Variants in LRP1B observed in about 807,000 individuals in gnomAD.
LRP1B encodes LDL receptor related protein 1B.
In LRP1B, 217 loss-of-function variants were observed where a neutral mutation model predicts 556.6. The ratio of observed to expected loss-of-function variants is 0.39; its 90% CI spans 0.35 to 0.44. The LOEUF (loss-of-function observed/expected upper bound fraction) is 0.44. Ranked by LOEUF, LRP1B falls within the 20% of genes least tolerant of loss-of-function variation. The pLI is 1.00. For synonymous variants in LRP1B, 2,047 were observed against 1,865.8 expected (o/e 1.10, Z -2.50); for missense variants, 5,053 against 5,620.8 (o/e 0.90, Z 3.23).
Position 141,413,997 on chromosome 2 carries a change from G to C in LRP1B, c.343+66399C>G, listed in dbSNP as rs549380326. On this transcript the variant is annotated intron_variant, in intron 3 of 90. Coordinates refer to ENST00000389484, the MANE Select transcript of LRP1B (RefSeq NM_018557.3). Reference sequence around the variant, plus strand: ...TGTAATCCCAGCACTTTGGGAGGCTGAGGTGGGCGCATCACGAGGTCAGAG... The same window carrying C: ...TGTAATCCCAGCACTTTGGGAGGCTCAGGTGGGCGCATCACGAGGTCAGAG... Among the ~76,000 whole-genome samples the C allele has an allele frequency of 5.5e-4, 84 of 152,208 alleles. 1 individual carries two copies. In the South Asian group the frequency reaches 6.6e-3, roughly 12 times the overall value.
chr2:140,485,846 TACACACACACAC>T (rs10696198), intron 58 of LRP1B, among the ~76,000 whole-genome samples: 3 of 142,362 alleles, frequency 2.1e-5, no homozygotes, highest in African/African-American at 5.3e-5. Context: ...CTCACGCACA[TACACACACACAC>T]ACACACACAC....
intron 3 of LRP1B, among the ~76,000 whole-genome samples, chr2:141,454,946 A>G (rs551546234): frequency 3.3e-5 from 5 of 152,196 alleles, no homozygotes; most frequent in Admixed American, 2.6e-4. Context: ...ACAATATCCA[A>G]TAATGTTGGC....
At chr2:140,655,404 C>T (rs1684843166) in intron 41 of LRP1B, among the ~76,000 whole-genome samples, 1 of 152,078 alleles carries the variant, frequency 6.6e-6, no homozygotes, top group African/African-American at 2.4e-5. Flanking sequence ...TATCAAAATA[C>T]CTCAATAATC....
At chr2:141,748,732 C>T (rs1693999371) in intron 2 of LRP1B, among the ~76,000 whole-genome samples, 1 of 152,194 alleles carries the variant, frequency 6.6e-6, no homozygotes, top group Non-Finnish European at 1.5e-5. Flanking sequence ...TACTAGGTTT[C>T]TGTGGTAGAA....
chr2:140,710,787 A>C (rs1007320197), intron 37 of LRP1B, among the ~76,000 whole-genome samples: 17 of 152,026 alleles, frequency 1.1e-4, no homozygotes, highest in African/African-American at 2.7e-4. Flanking sequence ...AAATAATAAT[A>C]ATCATCTCTG....
chr2:140,626,844 A>G (rs1441454), intron 41 of LRP1B, among the ~76,000 whole-genome samples: 34,746 of 151,960 alleles, frequency 0.23, 4,303 homozygotes, highest in Admixed American at 0.3. Flanking sequence ...GAAAAACACA[A>G]TTTTTAAATG....
chr2:141,011,425 A>C (rs956946943), intron 14 of LRP1B, among the ~76,000 whole-genome samples: 5 of 152,070 alleles, frequency 3.3e-5, no homozygotes, highest in Non-Finnish European at 5.9e-5. Context: ...GATACTAAAA[A>C]TTTAGAACTC....
At chr2:141,307,302 A>T (rs1686627358) in intron 3 of LRP1B, among the ~76,000 whole-genome samples, 1 of 152,096 alleles carries the variant, frequency 6.6e-6, no homozygotes, top group South Asian at 2.1e-4. Context: ...TGTTGGGTGC[A>T]TATAGGTTTA....
At chr2:141,712,063 C>A (rs973161169) in intron 2 of LRP1B, among the ~76,000 whole-genome samples, 16 of 151,986 alleles carry the variant, frequency 1.1e-4, no homozygotes, top group African/African-American at 3.9e-4. Flanking sequence ...GTTGCTTACC[C>A]CACCCACACA....
intron 6 of LRP1B, among the ~76,000 whole-genome samples, chr2:141,200,011 T>C (rs1681932977): frequency 6.6e-6 from 1 of 152,162 alleles, no homozygotes; most frequent in African/African-American, 2.4e-5. Context: ...TGGAAAGCAA[T>C]GTGGCAATTC....
At chr2:140,524,883 C>A (rs563418588) in intron 49 of LRP1B, among the ~76,000 whole-genome samples, 1 of 151,932 alleles carries the variant, frequency 6.6e-6, no homozygotes, top group Non-Finnish European at 1.5e-5. Context: ...CAAGCCCAAA[C>A]CTCAGCATCA....
chr2:141,264,344 A>G (rs1434298546), intron 3 of LRP1B, among the ~76,000 whole-genome samples: 1 of 152,224 alleles, frequency 6.6e-6, no homozygotes, highest in African/African-American at 2.4e-5. Flanking sequence ...AACTATTTCA[A>G]AAAGAAAAAG....
chr2:140,774,536 C>G (rs1167460578), intron 33 of LRP1B, among the ~76,000 whole-genome samples: 1 of 152,074 alleles, frequency 6.6e-6, no homozygotes, highest in South Asian at 2.1e-4. Context: ...TTTTTAAATG[C>G]TCTGTTTGGA....
intron 7 of LRP1B, among the ~76,000 whole-genome samples, chr2:141,133,206 T>C (rs1701403493): frequency 1.3e-5 from 2 of 151,378 alleles, no homozygotes; most frequent in Non-Finnish European, 2.9e-5. Context: ...TTTCAAATTA[T>C]TCTATTCAGA....
intron 4 of LRP1B, among the ~76,000 whole-genome samples, chr2:141,251,349 A>G (rs2105334445): frequency 6.6e-6 from 1 of 152,278 alleles, no homozygotes; most frequent in Non-Finnish European, 1.5e-5. Context: ...TAAATGGAGG[A>G]ATGAAGTGAA....
intron 25 of LRP1B, 79 bp downstream of exon 25, chr2:140,883,738 T>G: frequency 1.6e-5 from 21 of 1,278,928 alleles, no homozygotes; most frequent in African/African-American, 3.1e-5. Flanking sequence ...TCATAATTGA[T>G]GAGATAATTA....
intron 3 of LRP1B, among the ~76,000 whole-genome samples, chr2:141,466,772 C>A (rs551392151): frequency 6.6e-6 from 1 of 151,752 alleles, no homozygotes; most frequent in Non-Finnish European, 1.5e-5. Context: ...GAGTCACATA[C>A]GGAATTGCCT....
intron 43 of LRP1B, among the ~76,000 whole-genome samples, chr2:140,542,639 C>G (rs1353097089): frequency 6.6e-6 from 1 of 152,058 alleles, no homozygotes; most frequent in South Asian, 2.1e-4. Flanking sequence ...CTGGGTGCAT[C>G]CCATGGCATC....
intron 1 of LRP1B, among the ~76,000 whole-genome samples, chr2:142,085,267 A>C (rs545737991): frequency 6.0e-4 from 91 of 152,250 alleles, no homozygotes; most frequent in Non-Finnish European, 1.1e-3. Flanking sequence ...TGGCTCCTCA[A>C]ATAGGTGGAT....
Sources: allele counts gnomAD v4.1 joint callset (sites outside exome capture counted in the v4.1 genomes callset), GRCh38; gene constraint gnomAD v4.1.1; transcripts MANE v1.5; gene names NCBI Gene and HGNC (gene_info 2026-07-23, HGNC 2026-07-21).